NECAP2: variants seen among roughly 807,000 people sequenced by gnomAD.
NECAP2 encodes the protein adaptin ear-binding coat-associated protein 2.
A neutral mutation model predicts 37.8 loss-of-function variants in NECAP2; 38 were observed. That is an observed-to-expected ratio of 1.01 (90% CI 0.78 to 1.32). NECAP2 has a LOEUF of 1.32. NECAP2 is among the 40% of genes most tolerant of loss of function. The pLI, the probability that NECAP2 is intolerant of heterozygous loss-of-function variation, is 0.00. For synonymous variants in NECAP2, 121 were observed against 127.7 expected (o/e 0.95, Z 0.35); for missense variants, 316 against 334.5 (o/e 0.94, Z 0.43).
At chr1:16,448,338 A>G (rs886663406) in intron 4 of NECAP2, 197 bp downstream of exon 4, 2 of 617,328 alleles carry the variant, frequency 3.2e-6, no homozygotes, top group African/African-American at 3.7e-5. Flanking sequence ...CCTGAGGCTC[A>G]TCTCTACCAT....
intron 6 of NECAP2, among the ~76,000 whole-genome samples, chr1:16,454,568 G>T (rs1260455225): frequency 1.3e-5 from 2 of 151,976 alleles, no homozygotes; most frequent in Non-Finnish European, 2.9e-5. Context: ...CGTTGGCCAG[G>T]CTGGTCTCGA....
intron 7 of NECAP2, among the ~76,000 whole-genome samples, chr1:16,458,018 T>C (rs1223268942): frequency 1.3e-5 from 2 of 151,978 alleles, no homozygotes; most frequent in Non-Finnish European, 2.9e-5. Context: ...GCCCAAAATA[T>C]AGTAATTATT....
Position 16,449,090 on chromosome 1 carries a change from C to T in NECAP2, c.381-3C>T, listed in dbSNP as rs983542130. On this transcript the variant is annotated splice_polypyrimidine_tract_variant and splice_region_variant and intron_variant, in intron 4 of 7. Transcript: ENST00000337132. ...CACCTTTTTCCTCATGTTCTCTCCC[C>T]AGGTGGGTGAAACAGCAGTGTGAAT... 2 of 1,607,890 alleles carry T rather than the reference C, an allele frequency of 1.2e-6. No homozygotes were observed. Among genetic ancestry groups the T allele is most frequent in the African/African-American group, 1.3e-5 (1 of 74,912 alleles).
At chr1:16,446,147 G>T (rs962684471) in intron 2 of NECAP2, among the ~76,000 whole-genome samples, 2 of 152,214 alleles carry the variant, frequency 1.3e-5, no homozygotes, top group African/African-American at 2.4e-5. Flanking sequence ...GGTGGAGGTC[G>T]CAGTGAGCCG....
intron 7 of NECAP2, 107 bp downstream of exon 7, chr1:16,456,000 G>C: frequency 1.5e-6 from 1 of 652,626 alleles, no homozygotes; most frequent in Non-Finnish European, 2.7e-6. Flanking sequence ...AGGAGTAACA[G>C]TTTTAATTTG....
chr1:16,444,973 C>T (rs1302911773), intron 2 of NECAP2, among the ~76,000 whole-genome samples: 1 of 152,166 alleles, frequency 6.6e-6, no homozygotes, highest in Non-Finnish European at 1.5e-5. Context: ...AGGCGCCCCC[C>T]CACCACGCCC....
In NECAP2 at chr1:16,459,004, C is replaced by G. The variant is rs1341973861; in HGVS notation, c.*114C>G. 1 of 1,586,466 alleles carries G rather than the reference C, an allele frequency of 6.3e-7. No homozygotes were observed. The highest frequency in any genetic ancestry group is 1.1e-5 in the South Asian group (1 of 88,232). ...CCTGTGTTTGGGGCATGAATCTCTC[C>G]TCTCCTCCTTGTCTGGCTCTGTTGA... On this transcript the variant is annotated 3_prime_UTR_variant, in exon 8 of 8. Transcript: ENST00000337132.
intron 6 of NECAP2, 89 bp from the exon 7 acceptor site, chr1:16,455,729 A>T: frequency 9.6e-7 from 1 of 1,037,438 alleles, no homozygotes; most frequent in Non-Finnish European, 1.5e-6. Flanking sequence ...ACTGAGTCTC[A>T]TGATTTGGTC....
In NECAP2 at chr1:16,440,795, G is replaced by A; in HGVS notation, c.34G>A (p.Val12Ile). 6.2e-7 allele frequency: 1 copy of A among 1,614,210 alleles called. No individual in the cohort carries two copies. The highest frequency in any genetic ancestry group is 1.1e-5 in the South Asian group (1 of 91,086). ...EESGYESVLC[V>I]KPDVHVYRIP... ...GAGCGGGTACGAGTCGGTGCTCTGT[G>A]TCAAGCCTGACGTCCACGTCTACCG... The change falls in exon 1 of 8, where the codon GTC (valine) becomes ATC (isoleucine). Residue 12 changes from valine (V) to isoleucine (I), a missense_variant. This residue lies in a region of NECAP2 where 31 missense variants were observed against 21.7 expected (regional missense o/e 1.43). Transcript: ENST00000337132.
intron 6 of NECAP2, 62 bp downstream of exon 6, chr1:16,452,077 C>T (rs990195812): frequency 1.8e-5 from 26 of 1,478,502 alleles, no homozygotes; most frequent in Admixed American, 6.9e-5. Flanking sequence ...CCCTGGCAGC[C>T]AGGCCCCATG....
chr1:16,452,962 T>C (rs540063374), intron 6 of NECAP2, among the ~76,000 whole-genome samples: 59 of 152,256 alleles, frequency 3.9e-4, no homozygotes, highest in Middle Eastern at 3.4e-3. Flanking sequence ...ACTTCAGTCC[T>C]GTGGGGAGAG....
intron 1 of NECAP2, 131 bp from the exon 2 acceptor site, chr1:16,443,501 T>A (rs1264135029): frequency 2.9e-6 from 2 of 698,544 alleles, no homozygotes; most frequent in Non-Finnish European, 5.0e-6. Context: ...GCCAAAGATA[T>A]TTACTGTCTG....
intron 7 of NECAP2, 139 bp from the exon 8 acceptor site, chr1:16,458,701 CAG>C: frequency 1.3e-6 from 1 of 781,224 alleles, no homozygotes; most frequent in East Asian, 2.7e-5. Flanking sequence ...GTCTCTGTGC[CAG>C]AGTTTGCTGA....
At chr1:16,441,472 A>T (rs2086689234) in intron 1 of NECAP2, 1 of 152,302 alleles carries the variant, frequency 6.6e-6, no homozygotes, top group African/African-American at 2.4e-5. Flanking sequence ...AAAGGAACAC[A>T]GGAAACTGCC....
At position 16,459,200 on chromosome 1, in the gene NECAP2, C is replaced by T. The variant is rs1363900288; in HGVS notation, c.*310C>T. 2 of 443,490 alleles carry T rather than the reference C, an allele frequency of 4.5e-6. No homozygotes were observed. The highest frequency in any genetic ancestry group is 7.9e-6 in the Non-Finnish European group (2 of 253,238). 27.5% of individuals were successfully genotyped at this position (443,490 alleles called of 1,614,324 possible). On this transcript the variant is annotated 3_prime_UTR_variant, in exon 8 of 8. Transcript: ENST00000337132. ...TTCCATCGCAATGACCTGTATTAAA[C>T]ACAAGCCCCCCAAGCAAAAGAAGAG...
Position 16,458,839 on chromosome 1 carries a change from C to T in NECAP2, c.744-3C>T, listed in dbSNP as rs1226149056. ...CCCACCCTTCCCTGTCTTCTCTTTA[C>T]AGATCAACTTCCAGCCAGACCCAGC... is the stretch of plus-strand genomic sequence containing the variant. On this transcript the variant is annotated splice_polypyrimidine_tract_variant and splice_region_variant and intron_variant, in intron 7 of 7. Coordinates refer to ENST00000337132, the MANE Select transcript of NECAP2 (RefSeq NM_018090.5). 1 of 1,613,384 alleles carries T rather than the reference C, an allele frequency of 6.2e-7. No individual in the cohort carries two copies. The highest frequency in any genetic ancestry group is 2.2e-5 in the East Asian group (1 of 44,848).
intron 1 of NECAP2, chr1:16,441,110 G>T (rs2086684430): frequency 7.7e-6 from 4 of 516,238 alleles, no homozygotes; most frequent in Non-Finnish European, 1.4e-5. Context: ...CCGGTGGGCT[G>T]CCGGGTACCC....
intron 2 of NECAP2, among the ~76,000 whole-genome samples, chr1:16,446,522 A>G (rs1014366079): frequency 6.6e-6 from 1 of 151,368 alleles, no homozygotes; most frequent in Non-Finnish European, 1.5e-5. Flanking sequence ...TGCACTGCAC[A>G]CTGCACTTCA....
intron 2 of NECAP2, among the ~76,000 whole-genome samples, chr1:16,444,594 T>C (rs566059335): frequency 5.3e-5 from 8 of 152,226 alleles, no homozygotes; most frequent in Middle Eastern, 6.8e-3. Flanking sequence ...TGTTGGAGAA[T>C]AGGAAGTGAG....
Sources: allele counts gnomAD v4.1 joint callset (sites outside exome capture counted in the v4.1 genomes callset), GRCh38; gene constraint gnomAD v4.1.1; regional missense constraint gnomAD v4.1.1; transcripts MANE v1.5; gene names NCBI Gene and HGNC (gene_info 2026-07-23, HGNC 2026-07-21).